Variants in GRIN2B observed in about 807,000 individuals in gnomAD.
GRIN2B encodes glutamate ionotropic receptor NMDA type subunit 2B, also known as glutamate receptor ionotropic, NMDA 2B.
In GRIN2B, 5 loss-of-function variants were observed where a neutral mutation model predicts 114.5. The ratio of observed to expected loss-of-function variants is 0.04; its 90% CI spans 0.02 to 0.09. The LOEUF (loss-of-function observed/expected upper bound fraction) is 0.09, where lower values mean the gene tolerates loss of function less well. Among genes scored for constraint, GRIN2B ranks in the 10% least tolerant of loss-of-function variants. The pLI, the probability that GRIN2B is intolerant of heterozygous loss-of-function variation, is 1.00. For synonymous variants in GRIN2B, 787 were observed against 745.1 expected (o/e 1.06, Z -0.92); for missense variants, 1,108 against 1,943.5 (o/e 0.57, Z 8.08).
chr12:13,607,425 T>C, intron 10 of GRIN2B, among the ~76,000 whole-genome samples: 1 of 76,814 alleles, frequency 1.3e-5, no homozygotes, highest in East Asian at 3.2e-4. Flanking sequence ...TAATATATAT[T>C]ATATATAATA....
rs778546915 is a variant in GRIN2B at position 13,564,834 on chromosome 12, G to A, written c.2599-195C>T. 6.6e-6 allele frequency among the ~76,000 whole-genome samples: 1 copy of A among 152,160 alleles called. No individual in the cohort carries two copies. Among genetic ancestry groups the A allele is most frequent in the South Asian group, 2.1e-4 (1 of 4,822 alleles). On this transcript the variant is annotated intron_variant, in intron 13 of 13. Coordinates refer to ENST00000609686, the MANE Select transcript of GRIN2B (RefSeq NM_000834.5). The surrounding 1 kb of genome is among the most constrained non-coding windows in gnomAD (Gnocchi z 4.8). ...CTAAATTTGGTGACTGTCATGTGGT[G>A]AGCTGAGGTCAGTGACCTGGCCATC...
At chr12:13,859,516 A>G (rs1019766968) in intron 3 of GRIN2B, among the ~76,000 whole-genome samples, 1 of 152,212 alleles carries the variant, frequency 6.6e-6, no homozygotes, top group Non-Finnish European at 1.5e-5. Context: ...AGTGCCTTAG[A>G]GAGCACTGCC....
chr12:13,806,851 T>TTA (rs1864608928), intron 3 of GRIN2B, among the ~76,000 whole-genome samples: 1 of 152,188 alleles, frequency 6.6e-6, no homozygotes, highest in Non-Finnish European at 1.5e-5. Context: ...TTTTACAGTT[T>TTA]CTGGTCTTAT....
chr12:13,883,331 AC>A (rs1336135800), intron 2 of GRIN2B, among the ~76,000 whole-genome samples: 1 of 152,122 alleles, frequency 6.6e-6, no homozygotes, highest in East Asian at 1.9e-4. Flanking sequence ...TAATTGCCAA[AC>A]TTTTCCAAAG....
intron 2 of GRIN2B, among the ~76,000 whole-genome samples, chr12:13,915,643 T>G (rs987699692): frequency 6.6e-6 from 1 of 152,164 alleles, no homozygotes; most frequent in Non-Finnish European, 1.5e-5. Flanking sequence ...ACTGAGAAAC[T>G]GAATTTTTAT....
At chr12:13,802,938 C>T (rs1477480632) in intron 3 of GRIN2B, among the ~76,000 whole-genome samples, 1 of 152,054 alleles carries the variant, frequency 6.6e-6, no homozygotes, top group Non-Finnish European at 1.5e-5. Flanking sequence ...GGTCCACTTA[C>T]ACACAGATTT....
intron 4 of GRIN2B, among the ~76,000 whole-genome samples, chr12:13,726,853 T>C (rs1012167551): frequency 1.3e-5 from 2 of 152,042 alleles, no homozygotes; most frequent in Admixed American, 1.3e-4. Flanking sequence ...AAGTCCATTG[T>C]GTCATTCTTA....
At chr12:13,690,059 TA>T (rs1389524645) in intron 4 of GRIN2B, among the ~76,000 whole-genome samples, 4 of 152,320 alleles carry the variant, frequency 2.6e-5, no homozygotes, top group African/African-American at 9.6e-5. Flanking sequence ...CTTAATTTTT[TA>T]CTTGTCTGTA....
chr12:13,824,994 G>A (rs1430420614), intron 3 of GRIN2B, among the ~76,000 whole-genome samples: 2 of 150,976 alleles, frequency 1.3e-5, no homozygotes, highest in Non-Finnish European at 2.9e-5. Flanking sequence ...TCTTTCTCTA[G>A]ATTCCTAAGG....
intron 2 of GRIN2B, among the ~76,000 whole-genome samples, chr12:13,897,103 C>T (rs193203096): frequency 2.0e-5 from 3 of 152,206 alleles, no homozygotes; most frequent in East Asian, 1.9e-4. Flanking sequence ...AAGGAAGCAT[C>T]GTTCTGCCAC....
intron 2 of GRIN2B, among the ~76,000 whole-genome samples, chr12:13,970,628 T>G (rs183939876): frequency 2.0e-5 from 3 of 151,970 alleles, no homozygotes; most frequent in Admixed American, 2.0e-4. Flanking sequence ...ATTTGATCAC[T>G]TTAACAAATT....
rs1313881938 is a variant in GRIN2B at position 13,564,477 on chromosome 12, C to G, written c.2761G>C (p.Ala921Pro). The change falls in exon 14 of 14, where the codon GCC becomes CCC. Residue 921 changes from alanine (A) to proline (P), a missense_variant. Physicochemically the swap from Ala to Pro is conservative, Grantham distance 27. Transcript: ENST00000609686. The surrounding 1 kb of genome is among the most constrained non-coding windows in gnomAD (Gnocchi z 4.8). ...GACTCCCGTCGGATGAAGTCCAGGG[C>G]GCTCTGCGGTGAGCCATTCACACCA... ...LSGVNGSPQS[A>P]LDFIRRESSV... 1.9e-6 allele frequency: 3 copies of G among 1,614,074 alleles called. No individual in the cohort carries two copies. The highest frequency in any genetic ancestry group is 2.5e-6 in the Non-Finnish European group (3 of 1,180,046).
intron 5 of GRIN2B, among the ~76,000 whole-genome samples, chr12:13,673,585 G>T (rs562490676): frequency 6.6e-6 from 1 of 152,182 alleles, no homozygotes; most frequent in African/African-American, 2.4e-5. Context: ...ATAGTCCCTG[G>T]ATCATATATA....
At chr12:13,810,076 C>T (rs2136682884) in intron 3 of GRIN2B, among the ~76,000 whole-genome samples, 1 of 152,254 alleles carries the variant, frequency 6.6e-6, no homozygotes, top group African/African-American at 2.4e-5. Context: ...CGGGTTTTTG[C>T]TCAGACACCA....
intron 4 of GRIN2B, among the ~76,000 whole-genome samples, chr12:13,717,906 C>T (rs1363961523): frequency 6.6e-6 from 1 of 151,962 alleles, no homozygotes; most frequent in Admixed American, 6.6e-5. Context: ...AAAACAAATC[C>T]CAAAAGAAAC....
intron 2 of GRIN2B, among the ~76,000 whole-genome samples, chr12:13,868,455 T>TACACACAC (rs71436778): frequency 0.022 from 3,344 of 148,880 alleles, 56 homozygotes; most frequent in Middle Eastern, 0.049. Context: ...GTGGACAAAG[T>TACACACAC]ACACACACAC....
At chr12:13,859,884 T>G (rs1591771183) in intron 3 of GRIN2B, among the ~76,000 whole-genome samples, 1 of 152,236 alleles carries the variant, frequency 6.6e-6, no homozygotes, top group East Asian at 1.9e-4. Flanking sequence ...CTCTATGTCT[T>G]AATACCCTTC....
chr12:13,629,878 G>C (rs769714310), intron 5 of GRIN2B, among the ~76,000 whole-genome samples: 11 of 152,174 alleles, frequency 7.2e-5, no homozygotes, highest in Admixed American at 3.3e-4. Flanking sequence ...ATTCGGCTCA[G>C]TAGCATCTAT....
rs146457171 is a variant in GRIN2B at position 13,693,655 on chromosome 12, C to T, written c.1011-17796G>A. Among the ~76,000 whole-genome samples, 68 of 152,252 alleles carry T rather than the reference C, an allele frequency of 4.5e-4. No homozygotes were observed. The East Asian group carries it at 6.8e-3, about 15-fold the overall frequency. ...CACTTGAAAGACAGGGATTCAATAT[C>T]CCTGCTTCATAGTATGCATTTTAAA... On this transcript the variant is annotated intron_variant, in intron 4 of 13. Transcript: ENST00000609686.
Sources: allele counts gnomAD v4.1 joint callset (sites outside exome capture counted in the v4.1 genomes callset), GRCh38; gene constraint gnomAD v4.1.1; non-coding constraint Gnocchi (gnomAD v3.1); transcripts MANE v1.5; gene names NCBI Gene and HGNC (gene_info 2026-07-23, HGNC 2026-07-21).